The following HECTD2 variants were observed in gnomAD, a reference collection of about 807,000 sequenced individuals.
The protein encoded by HECTD2 is probable E3 ubiquitin-protein ligase HECTD2.
HECTD2 carries 35 observed loss-of-function variants against 103.2 expected under a neutral mutation model. The ratio of observed to expected loss-of-function variants is 0.34; its 90% confidence interval spans 0.26 to 0.45. The LOEUF (loss-of-function observed/expected upper bound fraction) is 0.45, where lower values mean the gene tolerates loss of function less well. HECTD2 is among the 20% of genes least tolerant of loss of function. The pLI, the probability that HECTD2 is intolerant of heterozygous loss-of-function variation, is 1.00. For missense variants in HECTD2, 596 were observed against 937.4 expected (o/e 0.64, Z 4.76); for synonymous variants, 281 against 329.9 (o/e 0.85, Z 1.61).
intron 15 of HECTD2, among the ~76,000 whole-genome samples, chr10:91,497,095 G>A (rs1431206212): frequency 6.8e-6 from 1 of 147,892 alleles, no homozygotes; most frequent in East Asian, 2.0e-4. Flanking sequence ...GAGTATCTGG[G>A]ATTTTAGGCA....
At chr10:91,507,354 A>T (rs1414102257) in intron 20 of HECTD2, among the ~76,000 whole-genome samples, 1 of 151,594 alleles carries the variant, frequency 6.6e-6, no homozygotes, top group Non-Finnish European at 1.5e-5. Flanking sequence ...TGCAGATGAC[A>T]TGATTGTATA....
intron 20 of HECTD2, among the ~76,000 whole-genome samples, chr10:91,503,161 G>A (rs897489228): frequency 2.1e-4 from 32 of 152,206 alleles, no homozygotes; most frequent in African/African-American, 6.0e-4. Context: ...ATGAAAAAAT[G>A]CTCAACATCA....
At chr10:91,431,596 T>A (rs924988114) in intron 2 of HECTD2, among the ~76,000 whole-genome samples, 1 of 152,082 alleles carries the variant, frequency 6.6e-6, no homozygotes, top group African/African-American at 2.4e-5. Context: ...TTCTTTTTTC[T>A]CTAAACTTCC....
chr10:91,421,116 T>A (rs1843341202), intron 1 of HECTD2, among the ~76,000 whole-genome samples: 1 of 152,156 alleles, frequency 6.6e-6, no homozygotes, highest in African/African-American at 2.4e-5. Context: ...TTCCCATTCA[T>A]TTGTCAATTT....
chr10:91,476,146 C>T (rs570914098), intron 5 of HECTD2, among the ~76,000 whole-genome samples: 10 of 152,186 alleles, frequency 6.6e-5, no homozygotes, highest in East Asian at 1.9e-4. Flanking sequence ...GAGGGAGAAA[C>T]GGATGATACA....
intron 14 of HECTD2, among the ~76,000 whole-genome samples, chr10:91,494,165 GTAAA>G (rs1409060008): frequency 6.6e-6 from 1 of 151,580 alleles, no homozygotes; most frequent in Non-Finnish European, 1.5e-5. Flanking sequence ...GGAGGGAAGA[GTAAA>G]TAAATAAGCA....
chr10:91,478,287 T>C, intron 6 of HECTD2, 22 bp downstream of exon 6: 1 of 1,432,528 alleles, frequency 7.0e-7, no homozygotes, highest in Non-Finnish European at 9.9e-7. Flanking sequence ...TTTTCAATAT[T>C]TAGCTAATCA....
chr10:91,498,180 C>T lies in HECTD2; in HGVS notation c.1753C>T (p.Gln585Ter). Residue 585 changes from glutamine (Q) to a stop codon, truncating the protein, a stop_gained and splice_region_variant, in exon 16 of 21, where the codon CAG becomes TAG. Transcript: ENST00000298068. LOFTEE classifies it high-confidence loss of function. ...NVEEDFYSTF[Q>*]VFQEEFGIIK... ...TGAAGAAGATTTCTATTCAACATTTCAGGTACTATTAAGGGCAAGTAGTTA... is the reference window on the plus strand; with the variant it reads ...TGAAGAAGATTTCTATTCAACATTTTAGGTACTATTAAGGGCAAGTAGTTA... The T allele has an allele frequency of 6.2e-7, 1 of 1,600,954 alleles. No individual in the cohort carries two copies. Among genetic ancestry groups the T allele is most frequent in the Non-Finnish European group, 8.6e-7 (1 of 1,168,336 alleles).
chr10:91,505,941 A>G (rs1359047449), intron 20 of HECTD2, among the ~76,000 whole-genome samples: 4 of 151,876 alleles, frequency 2.6e-5, no homozygotes, highest in African/African-American at 9.7e-5. Flanking sequence ...CCACAGTGCA[A>G]TCAAACTAGA....
rs1846793476 is a variant in HECTD2 at position 91,499,145 on chromosome 10, C to T, written c.1945C>T (p.Leu649=). The T allele has an allele frequency of 1.9e-6, 3 of 1,592,222 alleles. No individual in the cohort carries two copies. In the African/African-American group the frequency reaches 4.0e-5, roughly 21 times the overall value. The change falls in exon 18 of 21, where the codon CTA becomes TTA. Residue 649 remains leucine, a synonymous_variant. Transcript: ENST00000298068. ...TCATAGTGTGTGTGCTTCAAATGCC[C>T]TAATGGTGAGTTTATAACTTTAAAT... is the stretch of plus-strand genomic sequence containing the variant. ...GFHSVCASNA[L]MLLRPEEVEI... is the part of the protein sequence containing the mutation.
intron 2 of HECTD2, among the ~76,000 whole-genome samples, chr10:91,436,460 C>T (rs1040577050): frequency 6.6e-5 from 10 of 152,096 alleles, no homozygotes; most frequent in Admixed American, 5.9e-4. Flanking sequence ...GATTGGGAGT[C>T]TCTCTTGATT....
intron 6 of HECTD2, 150 bp from the exon 7 acceptor site, chr10:91,480,944 A>T: frequency 1.8e-6 from 1 of 545,196 alleles, no homozygotes; most frequent in Non-Finnish European, 3.2e-6. Context: ...TTTTCAGCAT[A>T]TTATGGACTG....
At chr10:91,421,229 C>T (rs1843346027) in intron 1 of HECTD2, among the ~76,000 whole-genome samples, 1 of 152,178 alleles carries the variant, frequency 6.6e-6, no homozygotes, top group African/African-American at 2.4e-5. Context: ...TTAGACCTAA[C>T]CACTCTTCAT....
chr10:91,448,833 G>A lies in HECTD2; in HGVS notation c.269-11594G>A, dbSNP rs868822530. ...ACTCCCAAGACTAAACCAGGAAGAA[G>A]TCGAATCTCTGAATAGACCAATAAC... On this transcript the variant is annotated intron_variant, in intron 2 of 20. Coordinates refer to ENST00000298068, the MANE Select transcript of HECTD2 (RefSeq NM_182765.6). Among the ~76,000 whole-genome samples, 7 of 33,686 alleles carry A rather than the reference G, an allele frequency of 2.1e-4. No individual in the cohort carries two copies. The South Asian group carries it at 3.7e-3, about 18-fold the overall frequency. The allele number at this position is 33,686 out of a possible 152,430, so 22.1% of individuals were successfully genotyped here. A position where few individuals can be genotyped will look rare whatever the true frequency, so the allele number is the denominator to read the frequency against.
In HECTD2 at chr10:91,425,170, T is replaced by G. The variant is rs182112902; in HGVS notation, c.139-111T>G. ...TCAAATTTATATACGTTTTTATCTA[T>G]TATCTACTCGTCATCAAATTAAAAT... On this transcript the variant is annotated intron_variant, in intron 1 of 20. Transcript: ENST00000298068. 261 of 872,904 alleles carry G rather than the reference T, an allele frequency of 3.0e-4. 1 individual carries two copies. In the East Asian group the frequency reaches 7.6e-3, roughly 25 times the overall value. The allele number at this position is 872,904 out of a possible 1,614,324, so 54.1% of individuals were successfully genotyped here. A position where few individuals can be genotyped will look rare whatever the true frequency, so the allele number is the denominator to read the frequency against.
upstream of HECTD2, chr10:91,410,247 C>A (rs1842854284): frequency 6.5e-6 from 1 of 153,580 alleles, no homozygotes; most frequent in Non-Finnish European, 1.4e-5. Flanking sequence ...GTCCGCGGGG[C>A]TGGCGCGCGC....
chr10:91,462,402 T>G, intron 5 of HECTD2: 1 of 1,204,974 alleles, frequency 8.3e-7, no homozygotes, highest in South Asian at 3.2e-5. Flanking sequence ...CAATCCTTTT[T>G]TAGAAAGACT....
intron 2 of HECTD2, among the ~76,000 whole-genome samples, chr10:91,436,156 T>G (rs4590777): frequency 1.3e-5 from 2 of 152,046 alleles, no homozygotes; most frequent in South Asian, 2.1e-4. Flanking sequence ...GTCTGTTTGT[T>G]TTGGTCTCTG....
chr10:91,492,147 CTCTAAT>C (rs1399630176), intron 12 of HECTD2, among the ~76,000 whole-genome samples, 199 bp from the exon 13 acceptor site: 2 of 152,246 alleles, frequency 1.3e-5, no homozygotes, highest in Non-Finnish European at 2.9e-5. Context: ...TACCTGACCT[CTCTAAT>C]TCTGTTTCCT....
Sources: gnomAD v4.1 joint callset for allele counts (sites outside exome capture counted in the v4.1 genomes callset) on GRCh38, gnomAD v4.1.1 for gene constraint, MANE v1.5 for transcripts, NCBI Gene and HGNC (gene_info 2026-07-23, HGNC 2026-07-21) for gene names.